Variants in RBFOX3 observed in about 807,000 individuals in gnomAD.
RBFOX3 encodes RNA binding fox-1 homolog 3, also known as RNA binding protein fox-1 homolog 3.
In RBFOX3, 17 loss-of-function variants were observed where a neutral mutation model predicts 48.7. The observed-to-expected ratio is 0.35, with a 90% CI of 0.24 to 0.52. The LOEUF (loss-of-function observed/expected upper bound fraction) is 0.52. RBFOX3 is among the 20% of genes least tolerant of loss of function. The pLI, the probability that RBFOX3 is intolerant of heterozygous loss-of-function variation, is 0.94. For missense variants in RBFOX3, 382 were observed against 497.5 expected (o/e 0.77, Z 2.21); for synonymous variants, 212 against 209.5 (o/e 1.01, Z -0.10).
chr17:79,596,791 A>G (rs1293657081), intron 1 of RBFOX3, among the ~76,000 whole-genome samples: 1 of 152,166 alleles, frequency 6.6e-6, no homozygotes, highest in Non-Finnish European at 1.5e-5. Context: ...AGAAAGTGCT[A>G]TGGGAAGCAG....
At chr17:79,632,365 G>C in the RBFOX3 span, among the ~76,000 whole-genome samples, 1 of 152,074 alleles carries the variant, frequency 6.6e-6, no homozygotes, top group East Asian at 1.9e-4. Context: ...ATGGGCAGGA[G>C]GACAAAGTCC....
At chr17:79,113,604 G>A (rs1440177621) in intron 5 of RBFOX3, among the ~76,000 whole-genome samples, 1 of 152,152 alleles carries the variant, frequency 6.6e-6, no homozygotes, top group Non-Finnish European at 1.5e-5. Flanking sequence ...TAATAACTGG[G>A]TGGTGAGACT....
At chr17:79,180,475 C>T (rs2051649551) in intron 4 of RBFOX3, among the ~76,000 whole-genome samples, 1 of 152,186 alleles carries the variant, frequency 6.6e-6, no homozygotes, top group Admixed American at 6.5e-5. Context: ...ACATATGGTG[C>T]CAACACTCAC....
At chr17:79,664,637 C>T in the RBFOX3 span, among the ~76,000 whole-genome samples, 8 of 152,288 alleles carry the variant, frequency 5.3e-5, no homozygotes, top group East Asian at 5.8e-4. Context: ...CGTGAGCCAC[C>T]GCGCCCGGCC....
At chr17:79,544,553 C>T (rs1414725583) in intron 1 of RBFOX3, among the ~76,000 whole-genome samples, 2 of 151,936 alleles carry the variant, frequency 1.3e-5, no homozygotes, top group Non-Finnish European at 2.9e-5. Context: ...CCACTCCTCC[C>T]GTCGGAGTAC....
the RBFOX3 span, among the ~76,000 whole-genome samples, chr17:79,640,339 T>G: frequency 6.6e-6 from 1 of 152,168 alleles, no homozygotes; most frequent in Non-Finnish European, 1.5e-5. Flanking sequence ...CCTGTGTTCA[T>G]GGATTGGAAT....
Position 79,103,107 on chromosome 17 carries a change from G to C in RBFOX3, c.507+55C>G, listed in dbSNP as rs2076749517. 1 of 1,332,046 alleles carries C rather than the reference G, an allele frequency of 7.5e-7. No individual in the cohort carries two copies. The highest frequency in any genetic ancestry group is 1.1e-6 in the Non-Finnish European group (1 of 949,028). 82.5% of individuals were successfully genotyped at this position (1,332,046 alleles called of 1,614,324 possible). ...CAGGGCTGGTTGGTTGGGGGAGCTG[G>C]GGGGCAGGTGGGCGATCTTGGGGCA... On this transcript the variant is annotated intron_variant, in intron 8 of 14. Transcript: ENST00000693108. The surrounding 1 kb of genome is among the most constrained non-coding windows in gnomAD (Gnocchi z 6.1).
At position 79,482,569 on chromosome 17, in the gene RBFOX3, C is replaced by T. The variant is rs1238095308; in HGVS notation, c.-290G>A. 6.6e-6 allele frequency: 1 copy of T among 152,168 alleles called. No individual in the cohort carries two copies. Among genetic ancestry groups the T allele is most frequent in the Non-Finnish European group, 1.5e-5 (1 of 68,004 alleles). 9.4% of individuals were successfully genotyped at this position (152,168 alleles called of 1,614,324 possible). Reference sequence around the variant, plus strand: ...GGGAGGAGTGGCGACCACAGGAAGACTGTTAGCTTCTCAGAGGCAGAATTT... The same window carrying T: ...GGGAGGAGTGGCGACCACAGGAAGATTGTTAGCTTCTCAGAGGCAGAATTT... On this transcript the variant is annotated 5_prime_UTR_variant, in exon 2 of 15. Coordinates refer to ENST00000693108, the MANE Select transcript of RBFOX3 (RefSeq NM_001350451.2). This position sits in a 1 kb window ranked among gnomAD's most constrained non-coding sequence, Gnocchi z 4.1.
At chr17:79,112,664 C>T (rs553968658) in intron 5 of RBFOX3, among the ~76,000 whole-genome samples, 10 of 152,226 alleles carry the variant, frequency 6.6e-5, no homozygotes, top group South Asian at 4.1e-4. Context: ...GTCTAGGGGC[C>T]GGCTCTGCCA....
In RBFOX3 at chr17:79,237,748, G is replaced by T. The variant is rs568232713; in HGVS notation, c.-73-1943C>A. On this transcript the variant is annotated intron_variant, in intron 3 of 14. Coordinates refer to ENST00000693108, the MANE Select transcript of RBFOX3 (RefSeq NM_001350451.2). ...GCCATTTCCAAGGTGGCCCTGTGGA[G>T]CCCCTGTTCTCCTCCCCAGTAAAAT... is the stretch of plus-strand genomic sequence containing the variant. Among the ~76,000 whole-genome samples, 81 of 152,312 alleles carry T rather than the reference G, an allele frequency of 5.3e-4. 1 individual carries two copies. Among genetic ancestry groups the T allele is most frequent in the Non-Finnish European group, 1.1e-3 (75 of 68,032 alleles).
intron 2 of RBFOX3, among the ~76,000 whole-genome samples, chr17:79,475,501 C>G (rs1210612882): frequency 6.6e-6 from 1 of 152,026 alleles, no homozygotes; most frequent in Non-Finnish European, 1.5e-5. Context: ...GGAATCATGT[C>G]CCCCCAAAAC....
intron 4 of RBFOX3, among the ~76,000 whole-genome samples, chr17:79,197,965 G>T (rs1471939110): frequency 6.6e-6 from 1 of 152,056 alleles, no homozygotes; most frequent in African/African-American, 2.4e-5. Flanking sequence ...AGGCAACCAA[G>T]ACAACATCTA....
At chr17:79,652,476 G>A in the RBFOX3 span, among the ~76,000 whole-genome samples, 1 of 149,682 alleles carries the variant, frequency 6.7e-6, no homozygotes, top group African/African-American at 2.5e-5. Flanking sequence ...GAGAGAAAGA[G>A]AGTGTGGGAT....
chr17:79,594,031 C>T (rs1020767103), intron 1 of RBFOX3, among the ~76,000 whole-genome samples: 15 of 152,210 alleles, frequency 9.9e-5, no homozygotes, highest in Middle Eastern at 3.4e-3. Flanking sequence ...AGAGGAAGCA[C>T]GCAATTGAGG....
intron 1 of RBFOX3, among the ~76,000 whole-genome samples, chr17:79,485,704 G>A (rs1408172443): frequency 6.6e-6 from 1 of 152,204 alleles, no homozygotes; most frequent in Non-Finnish European, 1.5e-5. Flanking sequence ...CGGCTTAGAA[G>A]ATGGAGACAC....
chr17:79,606,205 G>A (rs1466095276), intron 1 of RBFOX3, among the ~76,000 whole-genome samples: 5 of 152,164 alleles, frequency 3.3e-5, no homozygotes, highest in South Asian at 2.1e-4. Flanking sequence ...AGGCCCCCAC[G>A]TGTCTTACAG....
At chr17:79,465,687 G>T (rs536618919) in intron 2 of RBFOX3, among the ~76,000 whole-genome samples, 7 of 152,362 alleles carry the variant, frequency 4.6e-5, no homozygotes, top group African/African-American at 1.7e-4. Context: ...GCCAGCTTCT[G>T]GCCTGGAGGG....
intron 4 of RBFOX3, among the ~76,000 whole-genome samples, chr17:79,144,746 G>C (rs1330702261): frequency 6.6e-6 from 1 of 152,210 alleles, no homozygotes; most frequent in Non-Finnish European, 1.5e-5. Flanking sequence ...GTCCTAAACT[G>C]AGGACTAGGT....
chr17:79,312,434 G>A (rs1237731697), intron 2 of RBFOX3, among the ~76,000 whole-genome samples: 1 of 150,326 alleles, frequency 6.7e-6, no homozygotes, highest in Non-Finnish European at 1.5e-5. Flanking sequence ...AGGTGTGGTA[G>A]GCAGGAGGCA....
Sources: gnomAD v4.1 joint callset for allele counts (sites outside exome capture counted in the v4.1 genomes callset) on GRCh38, gnomAD v4.1.1 for gene constraint, Gnocchi (gnomAD v3.1) non-coding constraint, MANE v1.5 for transcripts, NCBI Gene and HGNC (gene_info 2026-07-23, HGNC 2026-07-21) for gene names.